Variants in WWOX observed in about 807,000 individuals in gnomAD.
WWOX encodes WW domain containing oxidoreductase, also known as WW domain-containing oxidoreductase.
A neutral mutation model predicts 46.2 loss-of-function variants in WWOX; 69 were observed. That is an observed-to-expected ratio of 1.49 (90% CI 1.23 to 1.82). The LOEUF (loss-of-function observed/expected upper bound fraction) is 1.82. Among genes scored for constraint, WWOX ranks in the 40% most tolerant of loss-of-function variants. The pLI is 0.00. For missense variants in WWOX, 919 were observed against 542.6 expected, an observed-to-expected ratio of 1.69 and a Z score of -6.89; for synonymous variants, 359 against 202.6, an observed-to-expected ratio of 1.77 and a Z score of -6.56.
At chr16:78,646,176 T>C (rs1234130531) in intron 8 of WWOX, among the ~76,000 whole-genome samples, 1 of 152,118 alleles carries the variant, frequency 6.6e-6, no homozygotes. Flanking sequence ...CATGGATGCC[T>C]TTTGATTTTG....
In WWOX at chr16:78,326,547, T is replaced by C. The variant is rs1474036955; in HGVS notation, c.517-60313T>C. On this transcript the variant is annotated intron_variant, in intron 5 of 8. Coordinates refer to ENST00000566780, the MANE Select transcript of WWOX (RefSeq NM_016373.4). ...TTCTCTGGATGTATTACTTAACCTCTCTGGCTTTATTTCTGCCTGCCCTCC... is the reference window on the plus strand; with the variant it reads ...TTCTCTGGATGTATTACTTAACCTCCCTGGCTTTATTTCTGCCTGCCCTCC... Among the ~76,000 whole-genome samples the C allele has an allele frequency of 2.1e-5, 3 of 139,886 alleles. No individual in the cohort carries two copies. The Admixed American group carries it at 2.2e-4, about 10-fold the overall frequency. The allele number at this position is 139,886 out of a possible 152,430, so 91.8% of individuals were successfully genotyped here.
chr16:78,439,830 C>T (rs146770014), intron 8 of WWOX, among the ~76,000 whole-genome samples: 1 of 152,214 alleles, frequency 6.6e-6, no homozygotes, highest in Non-Finnish European at 1.5e-5. Flanking sequence ...ACTTTTCCCT[C>T]ATGCTTACAA....
At chr16:78,617,145 C>G (rs946448718) in intron 8 of WWOX, among the ~76,000 whole-genome samples, 1 of 152,142 alleles carries the variant, frequency 6.6e-6, no homozygotes, top group Middle Eastern at 3.2e-3. Flanking sequence ...GTTGTGGTGG[C>G]TCACGCCTGT....
chr16:78,927,399 C>A (rs561072971), intron 8 of WWOX, among the ~76,000 whole-genome samples: 1 of 152,260 alleles, frequency 6.6e-6, no homozygotes, highest in South Asian at 2.1e-4. Context: ...AATAACTGTT[C>A]TTATGTCTGT....
chr16:78,748,901 G>C (rs1454573971), intron 8 of WWOX, among the ~76,000 whole-genome samples: 2 of 152,234 alleles, frequency 1.3e-5, no homozygotes, highest in Non-Finnish European at 2.9e-5. Context: ...AAAGCAGCCT[G>C]ACACATGGTC....
intron 8 of WWOX, among the ~76,000 whole-genome samples, chr16:78,946,404 T>C (rs1231083612): frequency 1.3e-5 from 2 of 152,170 alleles, no homozygotes; most frequent in African/African-American, 4.8e-5. Context: ...TTGGCCAGGC[T>C]GGTCTTGAAC....
intron 8 of WWOX, among the ~76,000 whole-genome samples, chr16:79,145,179 A>G (rs1214557816): frequency 6.6e-6 from 1 of 152,164 alleles, no homozygotes; most frequent in Non-Finnish European, 1.5e-5. Context: ...TATTGTTTTT[A>G]TTCTCTATCA....
intron 6 of WWOX, among the ~76,000 whole-genome samples, chr16:78,412,665 G>C (rs1305602293): frequency 6.6e-6 from 1 of 152,176 alleles, no homozygotes; most frequent in Non-Finnish European, 1.5e-5. Context: ...AGGATCCTCT[G>C]CAACAGGGCA....
At chr16:78,992,547 T>C (rs924959492) in intron 8 of WWOX, among the ~76,000 whole-genome samples, 9 of 152,208 alleles carry the variant, frequency 5.9e-5, no homozygotes, top group Non-Finnish European at 1.3e-4. Context: ...AAGTGTTGTA[T>C]GGATGTGAGC....
At chr16:78,364,769 T>C (rs894629829) in intron 5 of WWOX, among the ~76,000 whole-genome samples, 1 of 152,220 alleles carries the variant, frequency 6.6e-6, no homozygotes, top group Non-Finnish European at 1.5e-5. Context: ...TGTGTATGTC[T>C]GCACTTCCAG....
intron 8 of WWOX, among the ~76,000 whole-genome samples, chr16:78,695,738 C>G (rs1007716913): frequency 3.9e-5 from 6 of 152,212 alleles, no homozygotes; most frequent in South Asian, 2.1e-4. Flanking sequence ...AACCAAGAGC[C>G]AGACACAGGG....
At chr16:79,033,952 G>A (rs866461993) in intron 8 of WWOX, among the ~76,000 whole-genome samples, 1 of 152,306 alleles carries the variant, frequency 6.6e-6, no homozygotes, top group African/African-American at 2.4e-5. Context: ...GGAACTGGGT[G>A]GCACTGACTG....
At chr16:79,071,499 G>C (rs1296929972) in intron 8 of WWOX, among the ~76,000 whole-genome samples, 1 of 152,160 alleles carries the variant, frequency 6.6e-6, no homozygotes, top group Non-Finnish European at 1.5e-5. Context: ...TCTCTAGTTT[G>C]AAAACTGTTT....
At chr16:78,853,693 A>G (rs986690209) in intron 8 of WWOX, among the ~76,000 whole-genome samples, 2 of 151,868 alleles carry the variant, frequency 1.3e-5, no homozygotes, top group Admixed American at 6.6e-5. Flanking sequence ...TGTAGTATGC[A>G]CTCTCCTGCG....
intron 8 of WWOX, among the ~76,000 whole-genome samples, chr16:78,938,113 T>G (rs1475813506): frequency 1.3e-5 from 2 of 152,196 alleles, no homozygotes; most frequent in African/African-American, 4.8e-5. Context: ...TGATTTTATT[T>G]TTCATCTCCT....
intron 8 of WWOX, among the ~76,000 whole-genome samples, chr16:78,508,047 A>T (rs1490017658): frequency 6.7e-6 from 1 of 149,598 alleles, no homozygotes; most frequent in Non-Finnish European, 1.5e-5. Context: ...TTGCTCTGTC[A>T]CTCAGGCTGG....
chr16:78,544,978 A>G (rs191325955), intron 8 of WWOX, among the ~76,000 whole-genome samples: 172 of 152,296 alleles, frequency 1.1e-3, no homozygotes, highest in Admixed American at 5.5e-3. Flanking sequence ...GGAGTTAAAG[A>G]CCAGCCTGGG....
At chr16:78,917,281 C>G (rs1262382936) in intron 8 of WWOX, among the ~76,000 whole-genome samples, 1 of 152,210 alleles carries the variant, frequency 6.6e-6, no homozygotes, top group Non-Finnish European at 1.5e-5. Flanking sequence ...GTTCCCCTAA[C>G]TCAAATCAGA....
At chr16:79,143,124 G>T (rs542150279) in intron 8 of WWOX, among the ~76,000 whole-genome samples, 11 of 152,310 alleles carry the variant, frequency 7.2e-5, no homozygotes, top group African/African-American at 2.6e-4. Context: ...TTAAGGGACT[G>T]TTTGTCATGG....
Sources: allele counts gnomAD v4.1 joint callset (sites outside exome capture counted in the v4.1 genomes callset), GRCh38; gene constraint gnomAD v4.1.1; transcripts MANE v1.5; gene names NCBI Gene and HGNC (gene_info 2026-07-23, HGNC 2026-07-21).